Variants in ATG2B observed in about 807,000 individuals in gnomAD.
ATG2B encodes the protein autophagy related 2B.
A neutral mutation model predicts 241.3 loss-of-function variants in ATG2B; 121 were observed. That is an observed-to-expected ratio of 0.50 (90% CI 0.43 to 0.58). The LOEUF is 0.58. Ranked by LOEUF, ATG2B falls within the 20% of genes least tolerant of loss-of-function variation. The probability of loss-of-function intolerance (pLI) is 0.00; values close to 1 mark genes in which losing one functional copy is unlikely to be tolerated. For missense variants in ATG2B, 2,306 were observed against 2,491.6 expected (o/e 0.93, Z 1.59); for synonymous variants, 858 against 876.6 (o/e 0.98, Z 0.37).
chr14:96,356,945 T>C (rs1419661983), intron 1 of ATG2B, among the ~76,000 whole-genome samples: 1 of 152,148 alleles, frequency 6.6e-6, no homozygotes, highest in Non-Finnish European at 1.5e-5. Flanking sequence ...AGGTATTTAA[T>C]AAATGATCAT....
chr14:96,335,033 A>G (rs1887834075), intron 6 of ATG2B, among the ~76,000 whole-genome samples: 1 of 152,200 alleles, frequency 6.6e-6, no homozygotes. Context: ...AGGGGACGCC[A>G]CTACAGAAAC....
chr14:96,323,979 T>A lies in ATG2B; in HGVS notation c.2457A>T (p.Lys819Asn). ...RELIGSFQEE[K>N]GDPSIKFFHV... ...GGAAAAACTTAATAGATGGATCTCCTTTCTCTTCCTGGAACGATCCTAAAA... is the reference window on the plus strand; with the variant it reads ...GGAAAAACTTAATAGATGGATCTCCATTCTCTTCCTGGAACGATCCTAAAA... Residue 819 changes from lysine to asparagine, a missense_variant, in exon 16 of 42, where the codon AAA becomes AAT. Coordinates refer to ENST00000359933, the MANE Select transcript of ATG2B (RefSeq NM_018036.7). 1 of 1,604,558 alleles carries A rather than the reference T, an allele frequency of 6.2e-7. No homozygotes were observed. Among genetic ancestry groups the A allele is most frequent in the African/African-American group, 1.4e-5 (1 of 73,184 alleles).
At chr14:96,295,754 G>T (rs61982643) in intron 34 of ATG2B, among the ~76,000 whole-genome samples, 194 bp from the exon 35 acceptor site, 2 of 30,220 alleles carry the variant, frequency 6.6e-5, no homozygotes, top group African/African-American at 1.9e-4. Context: ...CACACACACA[G>T]ATACACACTT....
chr14:96,309,433 G>A lies in ATG2B; in HGVS notation c.4303+20C>T, dbSNP rs376231275. On this transcript the variant is annotated intron_variant, in intron 29 of 41. Transcript: ENST00000359933. ...CCCAACATTAACATCAGTGCTCCCT[G>A]AGAAGAGTCCTGGTCTTACCATTAG... is the stretch of plus-strand genomic sequence containing the variant. 7.9e-5 allele frequency: 126 copies of A among 1,602,282 alleles called. No individual in the cohort carries two copies. The highest frequency in any genetic ancestry group is 1.0e-4 in the Non-Finnish European group (122 of 1,174,620).
At position 96,295,203 on chromosome 14, in the gene ATG2B, A is replaced by G. The variant is rs1335989258; in HGVS notation, c.5219-36T>C. 4 of 1,520,878 alleles carry G rather than the reference A, an allele frequency of 2.6e-6. No individual in the cohort carries two copies. The Admixed American group carries it at 7.0e-5, about 27-fold the overall frequency. 94.2% of individuals were successfully genotyped at this position (1,520,878 alleles called of 1,614,324 possible). A position where few individuals can be genotyped will look rare whatever the true frequency, so the allele number is the denominator to read the frequency against. On this transcript the variant is annotated intron_variant, in intron 35 of 41. Coordinates refer to ENST00000359933, the MANE Select transcript of ATG2B (RefSeq NM_018036.7). ...AATGTGCATGTTTGAAAAATTAGAT[A>G]TGCTTCTTCTTAGCAAACATTTAAA...
At chr14:96,296,103 G>GC (rs1356066908) in intron 34 of ATG2B, among the ~76,000 whole-genome samples, 1 of 152,146 alleles carries the variant, frequency 6.6e-6, no homozygotes, top group Non-Finnish European at 1.5e-5. Flanking sequence ...ACAGGCGCCC[G>GC]CCACCATGCC....
chr14:96,334,558 T>C (rs1353780647), intron 6 of ATG2B, 57 bp from the exon 7 acceptor site: 1 of 975,480 alleles, frequency 1.0e-6, no homozygotes, highest in African/African-American at 1.7e-5. Context: ...CTTATCACCA[T>C]AAACGTCAGT....
rs912044729 is a variant in ATG2B at position 96,289,978 on chromosome 14, G to A, written c.5857-173C>T. ...CACAAGAATTGATGACTTTTATAAC[G>A]AGAACATAAAAGTATAAATTAATAA... On this transcript the variant is annotated intron_variant, in intron 40 of 41. Coordinates refer to ENST00000359933, the MANE Select transcript of ATG2B (RefSeq NM_018036.7). The surrounding 1 kb of genome is among the most constrained non-coding windows in gnomAD (Gnocchi z 4.3). 56 of 469,026 alleles carry A rather than the reference G, an allele frequency of 1.2e-4. No individual in the cohort carries two copies. The highest frequency in any genetic ancestry group is 1.4e-4 in the Non-Finnish European group (51 of 358,326). The allele number at this position is 469,026 out of a possible 1,614,324, so 29.1% of individuals were successfully genotyped here.
rs1202915985 is a variant in ATG2B at position 96,354,601 on chromosome 14, A to G, written c.163-7260T>C. On this transcript the variant is annotated intron_variant, in intron 1 of 41. Coordinates refer to ENST00000359933, the MANE Select transcript of ATG2B (RefSeq NM_018036.7). ...TGAACATAAGCGTGCATATATCTTTATAATAGAACAATTTATATTCCTTTG... is the reference window on the plus strand; with the variant it reads ...TGAACATAAGCGTGCATATATCTTTGTAATAGAACAATTTATATTCCTTTG... Among the ~76,000 whole-genome samples, 5 of 152,202 alleles carry G rather than the reference A, an allele frequency of 3.3e-5. No individual in the cohort carries two copies. In the East Asian group the frequency reaches 9.6e-4, roughly 29 times the overall value.
chr14:96,336,549 A>G (rs1166301274), intron 6 of ATG2B, among the ~76,000 whole-genome samples: 1 of 152,228 alleles, frequency 6.6e-6, no homozygotes, highest in Non-Finnish European at 1.5e-5. Context: ...ACATTTGTAC[A>G]AATGTATACA....
intron 41 of ATG2B, among the ~76,000 whole-genome samples, chr14:96,287,933 C>T (rs1886383033): frequency 1.3e-5 from 2 of 152,278 alleles, no homozygotes; most frequent in South Asian, 2.1e-4. Flanking sequence ...CTATCTATGA[C>T]ACACACAAGG....
chr14:96,346,289 AG>A (rs1234208485), intron 2 of ATG2B, among the ~76,000 whole-genome samples: 1 of 152,200 alleles, frequency 6.6e-6, no homozygotes, highest in African/African-American at 2.4e-5. Context: ...TTCAAAGCAA[AG>A]TGACAGAGAT....
chr14:96,306,751 T>C lies in ATG2B; in HGVS notation c.4469A>G (p.Asp1490Gly). ...AMTGVPTEND[D>G]FCILFAPKAA... ...TTTTGGTGCAAAAAGAATGCAAAAGTCATCATTCTCAGTGGGCACACCTGT... is the reference window on the plus strand; with the variant it reads ...TTTTGGTGCAAAAAGAATGCAAAAGCCATCATTCTCAGTGGGCACACCTGT... The change falls in exon 30 of 42, where the codon GAC becomes GGC. Residue 1490 changes from aspartate to glycine, a missense_variant. By Grantham distance (94) the Asp-to-Gly change is moderately conservative. Transcript: ENST00000359933. The C allele has an allele frequency of 6.2e-7, 1 of 1,614,048 alleles. No homozygotes were observed.
chr14:96,313,381 T>G lies in ATG2B; in HGVS notation c.3697A>C (p.Thr1233Pro). The change falls in exon 24 of 42, where the codon ACT (threonine) becomes CCT (proline). Residue 1233 changes from threonine to proline, a missense_variant. Thr to Pro is a conservative substitution (Grantham distance 38). This residue lies in a region of ATG2B where 1,927 missense variants were observed against 2,011.2 expected (regional missense o/e 0.96). Coordinates refer to ENST00000359933, the MANE Select transcript of ATG2B (RefSeq NM_018036.7). ...TGAACATGAAAAGTTGTAAATGAAG[T>G]TGGAGGATTATATCCCAAAACAGGT... ...DEPVLGYNPP[T>P]SFTTFHVHLW... 6.3e-7 allele frequency: 1 copy of G among 1,599,294 alleles called. No individual in the cohort carries two copies. Among genetic ancestry groups the G allele is most frequent in the Non-Finnish European group, 8.5e-7 (1 of 1,176,022 alleles).
At chr14:96,303,760 G>A in intron 32 of ATG2B, among the ~76,000 whole-genome samples, 1 of 152,078 alleles carries the variant, frequency 6.6e-6, no homozygotes, top group East Asian at 1.9e-4. Flanking sequence ...GGGACTATGT[G>A]GACCCTACCA....
intron 11 of ATG2B, among the ~76,000 whole-genome samples, chr14:96,330,524 G>A (rs1344573470): frequency 2.0e-5 from 3 of 152,094 alleles, no homozygotes; most frequent in African/African-American, 7.2e-5. Flanking sequence ...AGCACTTTGG[G>A]AGACCGAGGC....
Position 96,332,639 on chromosome 14 carries a change from G to T in ATG2B, c.1224C>A (p.Phe408Leu). 6.4e-7 allele frequency: 1 copy of T among 1,570,744 alleles called. No individual in the cohort carries two copies. Among genetic ancestry groups the T allele is most frequent in the Admixed American group, 2.1e-5 (1 of 48,460 alleles). The stretch of plus-strand genomic sequence containing the variant: ...GAGACATGTCCATATCAGCCATGGA[G>T]AAGAATACTTCTTCTTCTAGAGAGA... Reference protein sequence around the residue: ...TPSSREEEVFFSMADMDMSHS... With the variant: ...TPSSREEEVFLSMADMDMSHS... Residue 408 changes from phenylalanine to leucine, a missense_variant, in exon 9 of 42, where the codon TTC becomes TTA. By Grantham distance (22) the Phe-to-Leu change is conservative. Transcript: ENST00000359933.
intron 3 of ATG2B, among the ~76,000 whole-genome samples, chr14:96,344,984 A>T (rs1888133971): frequency 6.6e-6 from 1 of 152,110 alleles, no homozygotes; most frequent in Non-Finnish European, 1.5e-5. Context: ...AACGACTAAC[A>T]CTATCTGTTA....
chr14:96,357,485 A>G (rs1322388256), intron 1 of ATG2B, among the ~76,000 whole-genome samples: 1 of 152,038 alleles, frequency 6.6e-6, no homozygotes, highest in African/African-American at 2.4e-5. Context: ...AAGCCCCCAC[A>G]TTCTAAAGCC....
Sources: allele counts gnomAD v4.1 joint callset (sites outside exome capture counted in the v4.1 genomes callset), GRCh38; gene constraint gnomAD v4.1.1; regional missense constraint gnomAD v4.1.1; non-coding constraint Gnocchi (gnomAD v3.1); transcripts MANE v1.5; gene names NCBI Gene and HGNC (gene_info 2026-07-23, HGNC 2026-07-21).